ZFHX3: variants seen among roughly 807,000 people sequenced by gnomAD.
ZFHX3 encodes the protein zinc finger homeobox 3, also known as zinc finger homeobox protein 3.
Under a neutral mutation model 279.1 loss-of-function variants are expected in ZFHX3, and 42 were observed. The observed-to-expected ratio is 0.15, with a 90% confidence interval of 0.12 to 0.19. The LOEUF (loss-of-function observed/expected upper bound fraction) is 0.19. ZFHX3 is among the 10% of genes least tolerant of loss of function. The pLI, the probability that ZFHX3 is intolerant of heterozygous loss-of-function variation, is 1.00. For synonymous variants in ZFHX3, 2,293 were observed against 1,957.8 expected, an observed-to-expected ratio of 1.17 and a Z score of -4.52; for missense variants, 4,981 against 4,754.0, an observed-to-expected ratio of 1.05 and a Z score of -1.40.
At chr16:73,585,441 G>A (rs1318892986) in intron 2 of ZFHX3, among the ~76,000 whole-genome samples, 1 of 152,112 alleles carries the variant, frequency 6.6e-6, no homozygotes, top group Non-Finnish European at 1.5e-5. Flanking sequence ...ACACACTGGG[G>A]CTTGTCGGGA....
chr16:73,390,203 A>C (rs8049957), intron 3 of ZFHX3, among the ~76,000 whole-genome samples: 1 of 151,758 alleles, frequency 6.6e-6, no homozygotes, highest in Non-Finnish European at 1.5e-5. Flanking sequence ...TCAAGGCCCC[A>C]CCACCTCTGT....
exon 8 of ZFHX3, chr16:73,093,544 C>T (rs1567661408): frequency 2.0e-6 from 1 of 510,842 alleles, no homozygotes; most frequent in African/African-American, 1.9e-5. Flanking sequence ...TCACACAAGC[C>T]TGGAGCCCAG....
At chr16:72,990,454 G>A (rs1005869518) in intron 1 of ZFHX3, among the ~76,000 whole-genome samples, 14 of 152,208 alleles carry the variant, frequency 9.2e-5, no homozygotes, top group Admixed American at 7.2e-4. Flanking sequence ...GATTTGAAGC[G>A]GGCGGGAGAG....
intron 2 of ZFHX3, among the ~76,000 whole-genome samples, chr16:73,526,184 C>G (rs2019690436): frequency 6.6e-6 from 1 of 152,238 alleles, no homozygotes; most frequent in African/African-American, 2.4e-5. Context: ...CAGCAATGAC[C>G]ATAAGCACTC....
At chr16:73,708,169 T>C (rs1057217181) in intron 1 of ZFHX3, among the ~76,000 whole-genome samples, 1 of 152,108 alleles carries the variant, frequency 6.6e-6, no homozygotes. Flanking sequence ...TGAGTGACCA[T>C]ATGGCAAGAC....
At position 73,216,244 on chromosome 16, in the gene ZFHX3, T is replaced by A. The variant is rs1316644215; in HGVS notation, c.-1104+40803A>T. 3.3e-5 allele frequency among the ~76,000 whole-genome samples: 5 copies of A among 152,240 alleles called. No individual in the cohort carries two copies. In the East Asian group the frequency reaches 9.6e-4, roughly 29 times the overall value. On this transcript the variant is annotated intron_variant, in intron 5 of 17. Coordinates refer to the ZFHX3 transcript ENST00000641206. ...CTAAGTTATCTTTCCAAAACTGCCA[T>A]GGGATTATGTTAGTCCCTTGATTTG...
At chr16:73,239,349 T>C (rs1801648719) in intron 5 of ZFHX3, among the ~76,000 whole-genome samples, 1 of 152,166 alleles carries the variant, frequency 6.6e-6, no homozygotes, top group South Asian at 2.1e-4. Context: ...GGTAGAAACT[T>C]TGGAGTTAAT....
intron 4 of ZFHX3, among the ~76,000 whole-genome samples, chr16:72,873,254 A>G (rs1597332741): frequency 6.6e-6 from 1 of 152,356 alleles, no homozygotes; most frequent in East Asian, 1.9e-4. Context: ...GATGTTTAAT[A>G]AACAGCTGCA....
At chr16:73,711,487 C>A (rs1007314278) in intron 1 of ZFHX3, among the ~76,000 whole-genome samples, 1 of 152,126 alleles carries the variant, frequency 6.6e-6, no homozygotes, top group African/African-American at 2.4e-5. Flanking sequence ...GGCAAAATCA[C>A]TGAATGGAAA....
chr16:73,294,540 G>A (rs2014855821), intron 4 of ZFHX3, among the ~76,000 whole-genome samples: 1 of 152,248 alleles, frequency 6.6e-6, no homozygotes, highest in Admixed American at 6.5e-5. Context: ...GCTGGGCGAG[G>A]TGGCTCACGC....
intron 1 of ZFHX3, among the ~76,000 whole-genome samples, chr16:73,009,087 T>C (rs1464999485): frequency 6.6e-6 from 1 of 152,160 alleles, no homozygotes. Context: ...AATTACTACA[T>C]CTTGTAGATC....
intron 8 of ZFHX3, among the ~76,000 whole-genome samples, chr16:73,071,063 A>G (rs1430858382): frequency 2.7e-5 from 3 of 109,188 alleles, no homozygotes; most frequent in Non-Finnish European, 5.1e-5. Flanking sequence ...ATCTGTGGCC[A>G]TTGAGCCCTC....
intron 1 of ZFHX3, among the ~76,000 whole-genome samples, chr16:73,023,686 A>T (rs1003890638): frequency 6.6e-6 from 1 of 152,194 alleles, no homozygotes; most frequent in Non-Finnish European, 1.5e-5. Flanking sequence ...GCTTAAAGTG[A>T]GTATTTTGAA....
chr16:73,320,878 G>A (rs975549148), intron 3 of ZFHX3, among the ~76,000 whole-genome samples: 6 of 152,110 alleles, frequency 3.9e-5, no homozygotes, highest in African/African-American at 1.4e-4. Context: ...CTCTTGAATT[G>A]GACACATGGC....
rs373712806 is a variant in ZFHX3 at position 72,959,481 on chromosome 16, G to C, written c.665C>G (p.Ala222Gly). The change falls in exon 2 of 10, where the codon GCG becomes GGG. Residue 222 changes from alanine (A) to glycine (G), a missense_variant. Coordinates refer to ENST00000268489, the MANE Select transcript of ZFHX3 (RefSeq NM_006885.4). Reference sequence around the variant, plus strand: ...GCTGTGCAGGACGGGGCTGAGCCCCGCCAGGGCTGAGGTATTCGGGAAAGC... The same window carrying C: ...GCTGTGCAGGACGGGGCTGAGCCCCCCCAGGGCTGAGGTATTCGGGAAAGC... ...DQAFPNTSAL[A>G]GLSPVLHSFR... 5 of 1,614,240 alleles carry C rather than the reference G, an allele frequency of 3.1e-6. No homozygotes were observed. The highest frequency in any genetic ancestry group is 3.4e-6 in the Non-Finnish European group (4 of 1,180,036).
At chr16:73,552,487 A>G (rs2020217014) in intron 2 of ZFHX3, among the ~76,000 whole-genome samples, 1 of 152,200 alleles carries the variant, frequency 6.6e-6, no homozygotes, top group Non-Finnish European at 1.5e-5. Flanking sequence ...AAGACATAGA[A>G]TCCATGAAAT....
Position 73,391,310 on chromosome 16 carries a change from C to G in ZFHX3, c.-1291+64693G>C, listed in dbSNP as rs1222774658. On this transcript the variant is annotated intron_variant, in intron 3 of 17. Coordinates refer to the ZFHX3 transcript ENST00000641206. ...AAACCCCGTGTCTACTAAAAATTAGCCAGCCATGGTGATGGACACCTGTAA... is the reference window on the plus strand; with the variant it reads ...AAACCCCGTGTCTACTAAAAATTAGGCAGCCATGGTGATGGACACCTGTAA... 1.3e-5 allele frequency among the ~76,000 whole-genome samples: 2 copies of G among 151,964 alleles called. 1 individual carries two copies. The highest frequency in any genetic ancestry group is 4.2e-4 in the South Asian group (2 of 4,812).
chr16:72,985,516 A>T (rs1962807023), intron 1 of ZFHX3, among the ~76,000 whole-genome samples: 1 of 152,252 alleles, frequency 6.6e-6, no homozygotes, highest in South Asian at 2.1e-4. Context: ...TGAGAACAAC[A>T]TTGGACTGGA....
chr16:73,039,397 C>T (rs1190652766), intron 1 of ZFHX3, among the ~76,000 whole-genome samples: 3 of 152,146 alleles, frequency 2.0e-5, no homozygotes, highest in Non-Finnish European at 2.9e-5. Context: ...GGGGAGTGGC[C>T]GGGAACCTGC....
Sources: allele counts gnomAD v4.1 joint callset (sites outside exome capture counted in the v4.1 genomes callset), GRCh38; gene constraint gnomAD v4.1.1; transcripts MANE v1.5; gene names NCBI Gene and HGNC (gene_info 2026-07-23, HGNC 2026-07-21).